METTL8: variants seen among roughly 807,000 people sequenced by gnomAD.
METTL8 encodes the protein tRNA N(3)-cytidine methyltransferase METTL8, mitochondrial.
In METTL8, 32 loss-of-function variants were observed where a neutral mutation model predicts 48.7. The ratio of observed to expected loss-of-function variants is 0.66; its 90% CI spans 0.50 to 0.88. METTL8 has a LOEUF of 0.88. Ranked by LOEUF, METTL8 falls within the 40% of genes least tolerant of loss-of-function variation. METTL8 has a pLI of 0.00. For synonymous variants in METTL8, 136 were observed against 157.1 expected (o/e 0.87, Z 1.01); for missense variants, 464 against 474.4 (o/e 0.98, Z 0.20).
intron 1 of METTL8, among the ~76,000 whole-genome samples, chr2:171,415,002 G>A (rs1691157212): frequency 2.0e-5 from 3 of 152,112 alleles, no homozygotes; most frequent in South Asian, 4.1e-4. Flanking sequence ...CATGTAAACT[G>A]TGCCTTTTGC....
chr2:171,330,818 G>T, intron 6 of METTL8, 120 bp from the exon 7 acceptor site: 1 of 743,988 alleles, frequency 1.3e-6, no homozygotes, highest in Non-Finnish European at 2.1e-6. Flanking sequence ...TCCTCTGTCA[G>T]TCTGAACACT....
At chr2:171,349,264 AAAAACAATTATGTTAGAAC>A (rs766117878) in intron 3 of METTL8, among the ~76,000 whole-genome samples, 35 of 152,202 alleles carry the variant, frequency 2.3e-4, no homozygotes, top group Non-Finnish European at 5.1e-4. Flanking sequence ...ATGATGAGCT[AAAAACAATTATGTTAGAAC>A]AGTAGGATTA....
chr2:171,388,871 T>C (rs1688317020), intron 2 of METTL8, among the ~76,000 whole-genome samples: 1 of 152,358 alleles, frequency 6.6e-6, no homozygotes, highest in Non-Finnish European at 1.5e-5. Flanking sequence ...ACTATTGTAA[T>C]TGTTTTAGAG....
At chr2:171,423,139 C>T (rs770577215) in intron 1 of METTL8, among the ~76,000 whole-genome samples, 1 of 152,200 alleles carries the variant, frequency 6.6e-6, no homozygotes, top group Non-Finnish European at 1.5e-5. Flanking sequence ...ATGTGAAGAA[C>T]GATGTGTTTG....
At chr2:171,412,454 T>G (rs998369534) in intron 1 of METTL8, among the ~76,000 whole-genome samples, 3 of 152,194 alleles carry the variant, frequency 2.0e-5, no homozygotes, top group African/African-American at 7.2e-5. Context: ...CAATCTCTGG[T>G]AAGAGAATCT....
chr2:171,328,935 C>T (rs1023390523), intron 7 of METTL8, among the ~76,000 whole-genome samples: 2 of 151,754 alleles, frequency 1.3e-5, no homozygotes, highest in African/African-American at 4.9e-5. Context: ...GTGATCCACC[C>T]GCCTTGGCAT....
intron 1 of METTL8, among the ~76,000 whole-genome samples, chr2:171,404,097 A>ATATATATATT (rs1559183855): frequency 8.1e-6 from 1 of 122,936 alleles, no homozygotes; most frequent in African/African-American, 3.1e-5. Flanking sequence ...ATATATATAT[A>ATATATATATT]TATGATAGTT....
rs1684616040 is a variant in METTL8 at position 171,323,152 on chromosome 2, T to C, written c.*1020A>G. ...AGCCTAGTAGGTCTCAGCTTCATTTTACACAGTCCCTATTCAAGATGAAGT... is the reference window on the plus strand; with the variant it reads ...AGCCTAGTAGGTCTCAGCTTCATTTCACACAGTCCCTATTCAAGATGAAGT... On this transcript the variant is annotated 3_prime_UTR_variant, in exon 10 of 10. Transcript: ENST00000375258. 6.6e-6 allele frequency: 1 copy of C among 151,842 alleles called. No individual in the cohort carries two copies. The highest frequency in any genetic ancestry group is 1.5e-5 in the Non-Finnish European group (1 of 67,954). The allele number at this position is 151,842 out of a possible 1,614,324, so 9.4% of individuals were successfully genotyped here. A position where few individuals can be genotyped will look rare whatever the true frequency, so the allele number is the denominator to read the frequency against.
chr2:171,428,247 A>G (rs1180989148), intron 1 of METTL8, among the ~76,000 whole-genome samples: 1 of 152,240 alleles, frequency 6.6e-6, no homozygotes, highest in Non-Finnish European at 1.5e-5. Context: ...TCTACTTCAT[A>G]GGTAGAAGTC....
intron 2 of METTL8, among the ~76,000 whole-genome samples, chr2:171,362,799 CAT>C (rs1302251027): frequency 6.6e-6 from 1 of 152,090 alleles, no homozygotes; most frequent in Non-Finnish European, 1.5e-5. Context: ...CTTACTTTAA[CAT>C]ATGTGAGCAA....
chr2:171,431,238 C>CT (rs2105688770), intron 1 of METTL8, among the ~76,000 whole-genome samples: 1 of 151,228 alleles, frequency 6.6e-6, no homozygotes, highest in South Asian at 2.1e-4. Flanking sequence ...ATTCCATTCC[C>CT]TAACACATGT....
chr2:171,422,141 T>C (rs1328096732), intron 1 of METTL8, among the ~76,000 whole-genome samples: 1 of 151,698 alleles, frequency 6.6e-6, no homozygotes, highest in Non-Finnish European at 1.5e-5. Flanking sequence ...GACAGAAAAA[T>C]AAGATAATGG....
chr2:171,368,770 A>T (rs1685982343), intron 2 of METTL8, among the ~76,000 whole-genome samples: 1 of 152,082 alleles, frequency 6.6e-6, no homozygotes, highest in Non-Finnish European at 1.5e-5. Context: ...GGCCCTGTGG[A>T]GCAGTCTTGT....
At chr2:171,427,732 T>A (rs979165465) in intron 1 of METTL8, among the ~76,000 whole-genome samples, 1 of 152,216 alleles carries the variant, frequency 6.6e-6, no homozygotes, top group East Asian at 1.9e-4. Flanking sequence ...CACCCTGTTT[T>A]ATTTTCTTCA....
At chr2:171,330,754 T>A in intron 6 of METTL8, 56 bp from the exon 7 acceptor site, 1 of 1,437,816 alleles carries the variant, frequency 7.0e-7, no homozygotes, top group Non-Finnish European at 9.3e-7. Flanking sequence ...TTCCGGGATT[T>A]TTTTTTTTTT....
intron 3 of METTL8, among the ~76,000 whole-genome samples, chr2:171,341,830 C>A (rs1249114281): frequency 8.4e-6 from 1 of 119,140 alleles, no homozygotes; most frequent in Non-Finnish European, 1.7e-5. Flanking sequence ...TAGAAATATT[C>A]ATGTACACAC....
rs976957508 is a variant in METTL8 at position 171,345,822 on chromosome 2, T to A, written c.236-6268A>T. Reference sequence around the variant, plus strand: ...TAACTGAGATATGACACACTGGAGATGTTTTTTAGGAAATTATAAAATATA... The same window carrying A: ...TAACTGAGATATGACACACTGGAGAAGTTTTTTAGGAAATTATAAAATATA... On this transcript the variant is annotated intron_variant, in intron 3 of 9. Coordinates refer to ENST00000375258, the MANE Select transcript of METTL8 (RefSeq NM_001321154.2). Among the ~76,000 whole-genome samples the A allele has an allele frequency of 7.2e-5, 11 of 152,178 alleles. No individual in the cohort carries two copies. The East Asian group carries it at 7.7e-4, about 11-fold the overall frequency.
intron 2 of METTL8, among the ~76,000 whole-genome samples, chr2:171,380,129 CTG>C (rs1275235017): frequency 6.6e-6 from 1 of 152,162 alleles, no homozygotes; most frequent in Non-Finnish European, 1.5e-5. Context: ...ATCACATAAA[CTG>C]AACCAATGAC....
chr2:171,389,287 A>G (rs1311368169), intron 2 of METTL8, among the ~76,000 whole-genome samples: 1 of 152,128 alleles, frequency 6.6e-6, no homozygotes, highest in African/African-American at 2.4e-5. Flanking sequence ...TGGGAGGCTG[A>G]GTTGGAAAGA....
Sources: allele counts gnomAD v4.1 joint callset (sites outside exome capture counted in the v4.1 genomes callset), GRCh38; gene constraint gnomAD v4.1.1; transcripts MANE v1.5; gene names NCBI Gene and HGNC (gene_info 2026-07-23, HGNC 2026-07-21).